The following PACRG variants were observed in gnomAD, a reference collection of about 807,000 sequenced individuals.
PACRG encodes parkin coregulated.
Under a neutral mutation model 29.7 loss-of-function variants are expected in PACRG, and 29 were observed. The ratio of observed to expected loss-of-function variants is 0.98; its 90% confidence interval spans 0.73 to 1.33. The LOEUF (loss-of-function observed/expected upper bound fraction) is 1.33, where lower values mean the gene tolerates loss of function less well. Ranked by LOEUF, PACRG falls within the 40% of genes most tolerant of loss-of-function variation. The pLI is 0.00. For synonymous variants in PACRG, 116 were observed against 118.7 expected (o/e 0.98, Z 0.15); for missense variants, 279 against 316.2 (o/e 0.88, Z 0.89).
intron 4 of PACRG, among the ~76,000 whole-genome samples, chr6:163,311,673 A>T (rs62428046): frequency 0.11 from 17,061 of 152,248 alleles, 1,017 homozygotes; most frequent in Middle Eastern, 0.14. Flanking sequence ...AATGATACGC[A>T]TTCTGCAACC....
intron 4 of PACRG, among the ~76,000 whole-genome samples, chr6:163,151,759 CA>C (rs1778102356): frequency 6.6e-6 from 1 of 152,128 alleles, no homozygotes; most frequent in Admixed American, 6.5e-5. Flanking sequence ...CAAAGAATAT[CA>C]ATTATATAGC....
At chr6:162,794,883 T>C (rs1048439472) in intron 1 of PACRG, among the ~76,000 whole-genome samples, 5 of 151,990 alleles carry the variant, frequency 3.3e-5, no homozygotes, top group African/African-American at 1.2e-4. Context: ...GCATTACAGA[T>C]GCATTCTATG....
intron 2 of PACRG, among the ~76,000 whole-genome samples, chr6:163,025,330 A>G (rs1388479807): frequency 6.6e-6 from 1 of 152,220 alleles, no homozygotes; most frequent in African/African-American, 2.4e-5. Flanking sequence ...CTATACCTAC[A>G]AAAATCATAA....
chr6:163,315,150 G>A lies in PACRG; in HGVS notation c.*163G>A, dbSNP rs1785600492. ...GACTGTTAGCCCTATTGAGAGCAAGGCTTTCCAATACATAAATAGTGTCTG... is the reference window on the plus strand; with the variant it reads ...GACTGTTAGCCCTATTGAGAGCAAGACTTTCCAATACATAAATAGTGTCTG... On this transcript the variant is annotated 3_prime_UTR_variant, in exon 5 of 5. Coordinates refer to ENST00000366888, the MANE Select transcript of PACRG (RefSeq NM_001080379.2). The A allele has an allele frequency of 1.4e-6, 1 of 714,862 alleles. No homozygotes were observed. The highest frequency in any genetic ancestry group is 2.8e-5 in the East Asian group (1 of 36,322). 44.3% of individuals were successfully genotyped at this position (714,862 alleles called of 1,614,324 possible). A position where few individuals can be genotyped will look rare whatever the true frequency, so the allele number is the denominator to read the frequency against.
At chr6:163,017,392 A>G (rs185762419) in intron 2 of PACRG, among the ~76,000 whole-genome samples, 18 of 152,306 alleles carry the variant, frequency 1.2e-4, no homozygotes. Context: ...AGGGTTGATG[A>G]TGACATAGGT....
At chr6:162,814,760 C>G (rs915731218) in intron 2 of PACRG, among the ~76,000 whole-genome samples, 4 of 152,158 alleles carry the variant, frequency 2.6e-5, no homozygotes, top group African/African-American at 4.8e-5. Flanking sequence ...AATCCTGGCT[C>G]TCCTCTCCGT....
intron 2 of PACRG, among the ~76,000 whole-genome samples, chr6:162,968,182 C>T (rs1373435318): frequency 6.6e-6 from 1 of 152,138 alleles, no homozygotes; most frequent in Non-Finnish European, 1.5e-5. Flanking sequence ...TTCTCTCTTC[C>T]ACTGTGTTAG....
rs1198527090 is a variant in PACRG, at chr6:163,269,951, G to GA, written c.614-44873dup. 2.4e-3 allele frequency among the ~76,000 whole-genome samples: 106 copies of GA among 44,382 alleles called. 12 individuals carry two copies. Among genetic ancestry groups the GA allele is most frequent in the African/African-American group, 0.012 (78 of 6,766 alleles). The allele number at this position is 44,382 out of a possible 152,430, so 29.1% of individuals were successfully genotyped here. Reference sequence around the variant, plus strand: ...GAAAACAAAGAAAGAAAGAAAGAAAGAAAGAAAGAAAGAAAGAAAGAAAGA... The same window carrying GA: ...GAAAACAAAGAAAGAAAGAAAGAAAGAAAAGAAAGAAAGAAAGAAAGAAAGA... On this transcript the variant is annotated intron_variant, in intron 4 of 4. Coordinates refer to ENST00000366888, the MANE Select transcript of PACRG (RefSeq NM_001080379.2).
intron 2 of PACRG, among the ~76,000 whole-genome samples, chr6:162,939,229 C>G (rs1317588518): frequency 6.6e-6 from 1 of 152,114 alleles, no homozygotes; most frequent in Admixed American, 6.5e-5. Flanking sequence ...GGATTCTTAC[C>G]TCTCACCTTA....
intron 1 of PACRG, among the ~76,000 whole-genome samples, chr6:162,808,431 T>C (rs1217338867): frequency 1.3e-5 from 2 of 152,198 alleles, no homozygotes; most frequent in Non-Finnish European, 2.9e-5. Context: ...ATAAAAGTCT[T>C]TTTTAAACAG....
intron 2 of PACRG, among the ~76,000 whole-genome samples, chr6:163,028,099 G>A (rs1807314494): frequency 6.6e-6 from 1 of 152,200 alleles, no homozygotes; most frequent in Non-Finnish European, 1.5e-5. Flanking sequence ...AAAGAGGCCG[G>A]CAGAGGTGGT....
At chr6:163,148,692 C>G (rs532181529) in intron 4 of PACRG, among the ~76,000 whole-genome samples, 1 of 152,260 alleles carries the variant, frequency 6.6e-6, no homozygotes, top group South Asian at 2.1e-4. Context: ...CTCTCCAGCT[C>G]TTTCCCATCT....
At chr6:163,208,947 C>T (rs904624697) in intron 4 of PACRG, among the ~76,000 whole-genome samples, 7 of 152,208 alleles carry the variant, frequency 4.6e-5, no homozygotes, top group Non-Finnish European at 8.8e-5. Context: ...CATTTTCCCC[C>T]TCTGTGTTAA....
At chr6:162,807,386 G>A (rs981693007) in intron 1 of PACRG, among the ~76,000 whole-genome samples, 4 of 152,096 alleles carry the variant, frequency 2.6e-5, no homozygotes, top group Non-Finnish European at 4.4e-5. Context: ...TCTTCACTGA[G>A]CTTAATTATT....
chr6:163,162,145 G>C (rs905289228), intron 4 of PACRG, among the ~76,000 whole-genome samples: 1 of 152,088 alleles, frequency 6.6e-6, no homozygotes, highest in Non-Finnish European at 1.5e-5. Flanking sequence ...AAAGTAACCC[G>C]CCAGCTGCCA....
chr6:163,306,745 T>A (rs566368224), intron 4 of PACRG, among the ~76,000 whole-genome samples: 3 of 152,344 alleles, frequency 2.0e-5, no homozygotes, highest in East Asian at 3.9e-4. Context: ...CTGACTTACT[T>A]TGAAGAATTA....
At position 163,219,248 on chromosome 6, in the gene PACRG, A is replaced by G. The variant is rs147370425; in HGVS notation, c.614-95579A>G. On this transcript the variant is annotated intron_variant, in intron 4 of 4. Coordinates refer to ENST00000366888, the MANE Select transcript of PACRG (RefSeq NM_001080379.2). ...CATTTCCCTCTCAGCCAATGCCACC[A>G]GTTATATAGACCAAAGCCCTAAAAG... Among the ~76,000 whole-genome samples, 978 of 152,292 alleles carry G rather than the reference A, an allele frequency of 6.4e-3. 5 individuals carry two copies. The highest frequency in any genetic ancestry group is 0.024 in the Middle Eastern group (7 of 294).
At chr6:163,061,440 A>G (rs1451495812) in intron 2 of PACRG, among the ~76,000 whole-genome samples, 1 of 152,186 alleles carries the variant, frequency 6.6e-6, no homozygotes, top group Non-Finnish European at 1.5e-5. Flanking sequence ...GACAGGGGAC[A>G]TGGAGGGACA....
chr6:162,928,107 T>C (rs1797585551), intron 2 of PACRG, among the ~76,000 whole-genome samples: 1 of 152,072 alleles, frequency 6.6e-6, no homozygotes, highest in South Asian at 2.1e-4. Context: ...TGTTTGGTCT[T>C]TTTTAAAAGT....
Sources: allele counts gnomAD v4.1 joint callset (sites outside exome capture counted in the v4.1 genomes callset), GRCh38; gene constraint gnomAD v4.1.1; transcripts MANE v1.5; gene names NCBI Gene and HGNC (gene_info 2026-07-23, HGNC 2026-07-21).